The following GRB10 variants were observed in gnomAD, a reference collection of about 807,000 sequenced individuals.
The protein encoded by GRB10 is growth factor receptor-bound protein 10.
GRB10 carries 20 observed loss-of-function variants against 80.9 expected under a neutral mutation model. That is an observed-to-expected ratio of 0.25 (90% confidence interval 0.17 to 0.36). The LOEUF is 0.36. GRB10 is among the 10% of genes least tolerant of loss of function. The pLI, the probability that GRB10 is intolerant of heterozygous loss-of-function variation, is 1.00. For synonymous variants in GRB10, 291 were observed against 291.5 expected, an observed-to-expected ratio of 1.00 and a Z score of 0.02; for missense variants, 548 against 747.7, an observed-to-expected ratio of 0.73 and a Z score of 3.12.
chr7:50,715,172 C>T (rs1423736674), intron 4 of GRB10, among the ~76,000 whole-genome samples: 1 of 151,096 alleles, frequency 6.6e-6, no homozygotes, highest in Non-Finnish European at 1.5e-5. Context: ...TAGGTCTGGC[C>T]TGGAGCTCCA....
intron 18 of GRB10, 89 bp downstream of exon 18, chr7:50,595,348 G>T: frequency 1.3e-6 from 1 of 789,376 alleles, no homozygotes; most frequent in Non-Finnish European, 2.3e-6. Flanking sequence ...GATACTTACC[G>T]GTCTTGTCGG....
intron 3 of GRB10, among the ~76,000 whole-genome samples, chr7:50,746,722 C>T (rs1436368823): frequency 6.6e-6 from 1 of 152,144 alleles, no homozygotes; most frequent in East Asian, 1.9e-4. Context: ...TTCAGTGCAG[C>T]ATCCCCAAAC....
chr7:50,723,107 G>C (rs933625432), intron 4 of GRB10, among the ~76,000 whole-genome samples: 5 of 151,990 alleles, frequency 3.3e-5, no homozygotes, highest in African/African-American at 1.2e-4. Flanking sequence ...GTTCTGAAGG[G>C]ACAAGTAAAG....
upstream of GRB10, among the ~76,000 whole-genome samples, chr7:50,785,320 T>C (rs2078647913): frequency 6.6e-6 from 1 of 152,210 alleles, no homozygotes; most frequent in Non-Finnish European, 1.5e-5. Flanking sequence ...AGGTGAAAGA[T>C]GTGGCCAAAT....
rs576042618 is a variant in GRB10, at chr7:50,633,195, C to T, written c.505-6217G>A. ...TAAGCCTCCTGAAACCTCCACCTCC[C>T]CATTTCTCTGTAGGAGACAGTGAGT... On this transcript the variant is annotated intron_variant, in intron 7 of 18. Transcript: ENST00000401949. Among the ~76,000 whole-genome samples, 4 of 152,344 alleles carry T rather than the reference C, an allele frequency of 2.6e-5. No individual in the cohort carries two copies. The East Asian group carries it at 7.7e-4, about 29-fold the overall frequency.
At chr7:50,653,539 G>A (rs977684847) in intron 7 of GRB10, among the ~76,000 whole-genome samples, 2 of 152,186 alleles carry the variant, frequency 1.3e-5, no homozygotes, top group East Asian at 1.9e-4. Context: ...GTGTACACAC[G>A]TGCAGCTTAG....
At chr7:50,664,291 C>T (rs180845631) in intron 7 of GRB10, among the ~76,000 whole-genome samples, 113 of 152,350 alleles carry the variant, frequency 7.4e-4, no homozygotes, top group African/African-American at 2.6e-3. Context: ...TACCTATACA[C>T]ATGGCTCCCC....
Position 50,664,648 on chromosome 7 carries a change from A to G in GRB10, c.504+5074T>C, listed in dbSNP as rs532626831. On this transcript the variant is annotated intron_variant, in intron 7 of 18. Coordinates refer to ENST00000401949, the MANE Select transcript of GRB10 (RefSeq NM_001350814.2). ...AGAAGGCCCCGGAGGGTCTGACGCAAAGGAGGACCACTGCAGCCAGTGTCT... is the reference window on the plus strand; with the variant it reads ...AGAAGGCCCCGGAGGGTCTGACGCAGAGGAGGACCACTGCAGCCAGTGTCT... 2.6e-5 allele frequency among the ~76,000 whole-genome samples: 4 copies of G among 152,214 alleles called. No homozygotes were observed. In the East Asian group the frequency reaches 7.7e-4, roughly 29 times the overall value.
intron 7 of GRB10, among the ~76,000 whole-genome samples, chr7:50,638,873 A>G (rs1411842338): frequency 1.5e-5 from 2 of 136,626 alleles, no homozygotes; most frequent in African/African-American, 5.3e-5. Context: ...GGATTTAAAG[A>G]GTGGTAATAT....
intron 5 of GRB10, among the ~76,000 whole-genome samples, chr7:50,676,347 G>A (rs906001628): frequency 6.6e-6 from 1 of 151,130 alleles, no homozygotes; most frequent in African/African-American, 2.4e-5. Flanking sequence ...GGGGGGGGGG[G>A]GGGTTGTAAG....
chr7:50,666,640 C>T (rs1417264027), intron 7 of GRB10, among the ~76,000 whole-genome samples: 2 of 152,162 alleles, frequency 1.3e-5, no homozygotes, highest in African/African-American at 4.8e-5. Flanking sequence ...CTGTGAGGAG[C>T]GCCAGGTCCA....
intron 5 of GRB10, among the ~76,000 whole-genome samples, chr7:50,689,375 C>T (rs1449448773): frequency 1.3e-5 from 2 of 152,264 alleles, no homozygotes; most frequent in African/African-American, 4.8e-5. Context: ...TGGGCACTAA[C>T]TTCCTCTTGT....
At chr7:50,646,000 A>G (rs186855647) in intron 7 of GRB10, among the ~76,000 whole-genome samples, 108 of 152,326 alleles carry the variant, frequency 7.1e-4, no homozygotes, top group African/African-American at 2.5e-3. Context: ...CCACATACTT[A>G]TAAATACATA....
intron 17 of GRB10, among the ~76,000 whole-genome samples, chr7:50,598,513 G>C (rs904206568): frequency 2.0e-5 from 3 of 152,176 alleles, no homozygotes; most frequent in African/African-American, 7.2e-5. Context: ...ACAGTGATCA[G>C]AGTACAATCT....
At chr7:50,693,776 T>G (rs1198327990) in intron 5 of GRB10, among the ~76,000 whole-genome samples, 1 of 152,118 alleles carries the variant, frequency 6.6e-6, no homozygotes, top group South Asian at 2.1e-4. Context: ...GTACACACGA[T>G]GCAGAGGAGA....
At chr7:50,718,750 G>C (rs76904222) in intron 4 of GRB10, among the ~76,000 whole-genome samples, 1 of 152,064 alleles carries the variant, frequency 6.6e-6, no homozygotes, top group Non-Finnish European at 1.5e-5. Flanking sequence ...AATTGTAACC[G>C]TCGAAACCCT....
chr7:50,690,849 G>A (rs1258769200), intron 5 of GRB10, among the ~76,000 whole-genome samples: 1 of 152,204 alleles, frequency 6.6e-6, no homozygotes. Context: ...TGCCAAAGGG[G>A]ACCAGACAAA....
rs183402944 is a variant in GRB10 at position 50,778,453 on chromosome 7, A to C, written c.-217+2174T>G. 5.3e-5 allele frequency among the ~76,000 whole-genome samples: 8 copies of C among 152,358 alleles called. No individual in the cohort carries two copies. In the East Asian group the frequency reaches 1.5e-3, roughly 29 times the overall value. ...AACTAGGGCAGGCACAAATACAAACATTCAAAAATGTCTTTGCTATCCAAG... is the reference window on the plus strand; with the variant it reads ...AACTAGGGCAGGCACAAATACAAACCTTCAAAAATGTCTTTGCTATCCAAG... On this transcript the variant is annotated intron_variant, in intron 2 of 18. Coordinates refer to ENST00000401949, the MANE Select transcript of GRB10 (RefSeq NM_001350814.2).
intron 4 of GRB10, among the ~76,000 whole-genome samples, chr7:50,729,138 C>A (rs746083239): frequency 1.3e-5 from 2 of 152,218 alleles, no homozygotes; most frequent in Non-Finnish European, 2.9e-5. Context: ...AATGCTGTTG[C>A]CATTATCTCC....
Sources: allele counts gnomAD v4.1 joint callset (sites outside exome capture counted in the v4.1 genomes callset), GRCh38; gene constraint gnomAD v4.1.1; transcripts MANE v1.5; gene names NCBI Gene and HGNC (gene_info 2026-07-23, HGNC 2026-07-21).